Variants in XPNPEP1 observed in about 807,000 individuals in gnomAD.
XPNPEP1 encodes the protein xaa-Pro aminopeptidase 1.
A neutral mutation model predicts 92.4 loss-of-function variants in XPNPEP1; 39 were observed. That is an observed-to-expected ratio of 0.42 (90% confidence interval 0.33 to 0.55). The LOEUF (loss-of-function observed/expected upper bound fraction) is 0.55. Ranked by LOEUF, XPNPEP1 falls within the 20% of genes least tolerant of loss-of-function variation. The probability of loss-of-function intolerance (pLI) is 0.08; values close to 1 mark genes in which losing one functional copy is unlikely to be tolerated. For synonymous variants in XPNPEP1, 307 were observed against 299.4 expected, an observed-to-expected ratio of 1.03 and a Z score of -0.26; for missense variants, 654 against 856.1, an observed-to-expected ratio of 0.76 and a Z score of 2.95.
Position 109,873,397 on chromosome 10 carries a change from C to T in XPNPEP1, c.1422G>A (p.Met474Ile). The change falls in exon 16 of 21, where the codon ATG becomes ATA. Residue 474 changes from methionine (M) to isoleucine (I), a missense_variant. Coordinates refer to ENST00000502935, the MANE Select transcript of XPNPEP1 (RefSeq NM_020383.4). The part of the protein sequence containing the change: ...KDGTTDVTRT[M>I]HFGTPTAYEK... Reference sequence around the variant, plus strand: ...CGTAGGCTGTAGGGGTCCCAAAATGCATTGTCCGCGTCACATCTGTGGTGC... The same window carrying T: ...CGTAGGCTGTAGGGGTCCCAAAATGTATTGTCCGCGTCACATCTGTGGTGC... The T allele has an allele frequency of 6.2e-7, 1 of 1,614,130 alleles. No individual in the cohort carries two copies. The highest frequency in any genetic ancestry group is 8.5e-7 in the Non-Finnish European group (1 of 1,180,016).
At position 109,870,915 on chromosome 10, in the gene XPNPEP1, T is replaced by C. The variant is rs367990951; in HGVS notation, c.1523-11A>G. ...AGTCAAGAAGGTGACCTGAAAGACA[T>C]AAAGAGCCACTTAATTGTATTTGTA... is the stretch of plus-strand genomic sequence containing the variant. On this transcript the variant is annotated splice_polypyrimidine_tract_variant and intron_variant, in intron 17 of 20. Coordinates refer to ENST00000502935, the MANE Select transcript of XPNPEP1 (RefSeq NM_020383.4). The C allele has an allele frequency of 6.2e-7, 1 of 1,611,748 alleles. No individual in the cohort carries two copies. The highest frequency in any genetic ancestry group is 1.3e-5 in the African/African-American group (1 of 74,706).
intron 3 of XPNPEP1, among the ~76,000 whole-genome samples, chr10:109,894,712 A>G (rs1238300675): frequency 6.6e-6 from 1 of 152,354 alleles, no homozygotes; most frequent in East Asian, 1.9e-4. Context: ...GCCCAGCTGC[A>G]TAGTCTGCAA....
chr10:109,873,793 T>C (rs1350218846), intron 15 of XPNPEP1, among the ~76,000 whole-genome samples: 2 of 152,160 alleles, frequency 1.3e-5, no homozygotes, highest in African/African-American at 4.8e-5. Flanking sequence ...GCAATACCAT[T>C]CAGTAATTAA....
intron 2 of XPNPEP1, among the ~76,000 whole-genome samples, chr10:109,910,294 C>T (rs1485302179): frequency 1.3e-5 from 2 of 152,158 alleles, no homozygotes; most frequent in East Asian, 3.8e-4. Context: ...CCTGTAATCC[C>T]AGCACTTCGT....
At chr10:109,898,848 G>A (rs192683884) in intron 3 of XPNPEP1, among the ~76,000 whole-genome samples, 32 of 152,322 alleles carry the variant, frequency 2.1e-4, no homozygotes, top group African/African-American at 6.5e-4. Context: ...GTCACATGCC[G>A]ATGGAACTTG....
chr10:109,879,110 C>T (rs1273130907), intron 12 of XPNPEP1, among the ~76,000 whole-genome samples: 20 of 150,756 alleles, frequency 1.3e-4, no homozygotes, highest in South Asian at 4.2e-4. Flanking sequence ...AGCATGGTGG[C>T]GGGCGCCTGT....
At chr10:109,881,062 T>C (rs960716703) in intron 10 of XPNPEP1, 131 bp from the exon 11 acceptor site, 2 of 818,062 alleles carry the variant, frequency 2.4e-6, no homozygotes, top group Non-Finnish European at 3.8e-6. Flanking sequence ...GCGACCCATA[T>C]AGCTATCCCC....
chr10:109,918,967 A>G (rs959060380), intron 1 of XPNPEP1, among the ~76,000 whole-genome samples: 3 of 152,024 alleles, frequency 2.0e-5, no homozygotes, highest in Non-Finnish European at 4.4e-5. Context: ...AAGGAAAGAA[A>G]AGAAAGAAAG....
intron 15 of XPNPEP1, among the ~76,000 whole-genome samples, chr10:109,874,531 ATAT>A (rs1424142615): frequency 6.6e-6 from 1 of 152,240 alleles, no homozygotes; most frequent in Non-Finnish European, 1.5e-5. Context: ...CTCTAGGCTG[ATAT>A]TATTAACACC....
At position 109,865,009 on chromosome 10, in the gene XPNPEP1, G is replaced by C; in HGVS notation, c.*175C>G. 1 of 911,554 alleles carries C rather than the reference G, an allele frequency of 1.1e-6. No homozygotes were observed. The highest frequency in any genetic ancestry group is 1.6e-6 in the Non-Finnish European group (1 of 620,582). 56.5% of individuals were successfully genotyped at this position (911,554 alleles called of 1,614,324 possible). On this transcript the variant is annotated 3_prime_UTR_variant, in exon 21 of 21. Transcript: ENST00000502935. ...AACAATTAAAAAATCATAAAAGACT[G>C]AGTGTTTGCAATAAAATATCAAAGA...
intron 4 of XPNPEP1, among the ~76,000 whole-genome samples, chr10:109,892,266 A>C (rs1020361404): frequency 6.6e-6 from 1 of 152,112 alleles, no homozygotes; most frequent in African/African-American, 2.4e-5. Flanking sequence ...AGTGGGCCCT[A>C]TGAGTGTTCC....
chr10:109,921,874 C>G (rs1440172668), intron 1 of XPNPEP1, among the ~76,000 whole-genome samples: 1 of 152,210 alleles, frequency 6.6e-6, no homozygotes, highest in Non-Finnish European at 1.5e-5. Flanking sequence ...AGCATCAGAT[C>G]AGGGACTTCT....
intron 1 of XPNPEP1, among the ~76,000 whole-genome samples, chr10:109,922,033 A>AT (rs1221381572): frequency 6.6e-6 from 1 of 152,204 alleles, no homozygotes; most frequent in Non-Finnish European, 1.5e-5. Flanking sequence ...TCTGAAGCCA[A>AT]TGTTGGTGGT....
At chr10:109,888,250 G>T in intron 6 of XPNPEP1, 58 bp from the exon 7 acceptor site, 1 of 1,576,950 alleles carries the variant, frequency 6.3e-7, no homozygotes. Flanking sequence ...GCAGGGCAGG[G>T]AGCAGGGCCT....
intron 2 of XPNPEP1, among the ~76,000 whole-genome samples, chr10:109,910,292 C>A (rs1180535893): frequency 1.3e-5 from 2 of 152,150 alleles, no homozygotes; most frequent in African/African-American, 4.8e-5. Flanking sequence ...CACCTGTAAT[C>A]CCAGCACTTC....
intron 1 of XPNPEP1, 131 bp from the exon 2 acceptor site, chr10:109,915,230 A>C (rs1850121270): frequency 2.3e-6 from 1 of 438,886 alleles, no homozygotes; most frequent in East Asian, 3.5e-5. Flanking sequence ...CCCCATTATC[A>C]GTGGCAGAAT....
At chr10:109,865,441 C>G (rs1338346290) in intron 20 of XPNPEP1, 129 bp from the exon 21 acceptor site, 13 of 1,212,848 alleles carry the variant, frequency 1.1e-5, no homozygotes, top group Non-Finnish European at 1.5e-5. Context: ...AACACCCTTT[C>G]TCCTTACTCA....
intron 7 of XPNPEP1, 144 bp from the exon 8 acceptor site, chr10:109,886,485 A>G (rs1564763748): frequency 1.4e-6 from 1 of 735,768 alleles, no homozygotes; most frequent in Non-Finnish European, 2.3e-6. Context: ...GCCTGGATTC[A>G]AGCCCTATAC....
chr10:109,912,386 T>C (rs536213099), intron 2 of XPNPEP1, among the ~76,000 whole-genome samples: 1 of 152,190 alleles, frequency 6.6e-6, no homozygotes, highest in Non-Finnish European at 1.5e-5. Flanking sequence ...GTGAAGAAGA[T>C]AGCAACAGGC....
Sources: gnomAD v4.1 joint callset for allele counts (sites outside exome capture counted in the v4.1 genomes callset) on GRCh38, gnomAD v4.1.1 for gene constraint, MANE v1.5 for transcripts, NCBI Gene and HGNC (gene_info 2026-07-23, HGNC 2026-07-21) for gene names.